The following LRP2 variants were observed in gnomAD, a reference collection of about 807,000 sequenced individuals.
LRP2 encodes the protein LDL receptor related protein 2, also known as low-density lipoprotein receptor-related protein 2.
A neutral mutation model predicts 531.0 loss-of-function variants in LRP2; 172 were observed. The ratio of observed to expected loss-of-function variants is 0.32; its 90% confidence interval spans 0.29 to 0.37. The LOEUF (loss-of-function observed/expected upper bound fraction) is 0.37, where lower values mean the gene tolerates loss of function less well. LRP2 is among the 10% of genes least tolerant of loss of function. The pLI is 1.00. For missense variants in LRP2, 5,167 were observed against 5,868.3 expected (o/e 0.88, Z 3.90); for synonymous variants, 1,992 against 2,027.6 (o/e 0.98, Z 0.47).
chr2:169,147,675 A>G (rs551881615), intron 68 of LRP2, among the ~76,000 whole-genome samples: 1 of 152,346 alleles, frequency 6.6e-6, no homozygotes, highest in African/African-American at 2.4e-5. Flanking sequence ...GCAAGGGTCT[A>G]TGTAAGCAAA....
chr2:169,216,126 G>T, intron 35 of LRP2, 127 bp downstream of exon 35: 1 of 960,262 alleles, frequency 1.0e-6, no homozygotes, highest in Non-Finnish European at 1.6e-6. Flanking sequence ...GGGAGAAGGG[G>T]CAATGAAACA....
In LRP2 at chr2:169,176,421, T is replaced by C. The variant is rs780386558; in HGVS notation, c.10561A>G (p.Asn3521Asp). 3.1e-6 allele frequency: 5 copies of C among 1,614,186 alleles called. No homozygotes were observed. Among genetic ancestry groups the C allele is most frequent in the Non-Finnish European group, 3.4e-6 (4 of 1,180,014 alleles). The change falls in exon 54 of 79, where the codon AAC becomes GAC. Residue 3521 changes from asparagine to aspartate, a missense_variant. Physicochemically the swap from Asn to Asp is conservative, Grantham distance 23. Coordinates refer to ENST00000649046, the MANE Select transcript of LRP2 (RefSeq NM_004525.3). The stretch of plus-strand genomic sequence containing the variant: ...GAAAGAGAGCCTTACTTTTCATTGT[T>C]AGCGCACAGGAACTGGGTGCTGGAG... ...MCSSTQFLCA[N>D]NEKCIPIWWK...
At chr2:169,158,077 C>T (rs1480652115) in intron 63 of LRP2, among the ~76,000 whole-genome samples, 3 of 150,912 alleles carry the variant, frequency 2.0e-5, no homozygotes, top group Admixed American at 1.3e-4. Flanking sequence ...CACACACACA[C>T]ACACACACAC....
chr2:169,204,233 C>T lies in LRP2; in HGVS notation c.7754G>A (p.Arg2585His), dbSNP rs770272485. ...IERSTLTGVD[R>H]EVIVNAAVHA... ...AACGGCTGCATTGACAATGACTTCA[C>T]GATCCACGCCCGTCAGAGTGCTGCG... The change falls in exon 42 of 79, where the codon CGT becomes CAT. Residue 2585 changes from arginine (R) to histidine (H), a missense_variant. Coordinates refer to ENST00000649046, the MANE Select transcript of LRP2 (RefSeq NM_004525.3). The T allele has an allele frequency of 5.6e-6, 9 of 1,613,810 alleles. No individual in the cohort carries two copies. The East Asian group carries it at 6.7e-5, about 12-fold the overall frequency.
intron 16 of LRP2, among the ~76,000 whole-genome samples, chr2:169,262,942 T>C (rs374018724): frequency 7.2e-5 from 11 of 151,874 alleles, no homozygotes; most frequent in South Asian, 2.1e-4. Context: ...AATAACGCCG[T>C]ATATCTACAA....
At chr2:169,175,496 C>T in intron 54 of LRP2, 107 bp from the exon 55 acceptor site, 1 of 991,588 alleles carries the variant, frequency 1.0e-6, no homozygotes, top group South Asian at 1.3e-5. Context: ...CATGAGCTCT[C>T]TCGTGGCCCT....
intron 4 of LRP2, among the ~76,000 whole-genome samples, chr2:169,303,183 T>G (rs907349187): frequency 2.2e-4 from 34 of 152,140 alleles, no homozygotes. Flanking sequence ...TTCTTTTGTA[T>G]ATGTTAAAAA....
intron 1 of LRP2, among the ~76,000 whole-genome samples, chr2:169,328,631 T>C (rs929229872): frequency 2.0e-5 from 3 of 152,138 alleles, no homozygotes; most frequent in African/African-American, 4.8e-5. Flanking sequence ...TGTTATACAA[T>C]ATATAAAGCT....
chr2:169,260,114 A>G (rs371814973), intron 16 of LRP2, among the ~76,000 whole-genome samples: 25 of 152,272 alleles, frequency 1.6e-4, no homozygotes, highest in African/African-American at 5.5e-4. Flanking sequence ...CCTATTCTAC[A>G]GATGAGAGAA....
intron 48 of LRP2, among the ~76,000 whole-genome samples, 163 bp downstream of exon 48, chr2:169,191,669 T>C (rs1307334742): frequency 6.6e-6 from 1 of 151,726 alleles, no homozygotes. Context: ...GATGTAAAAG[T>C]TTTTTTTCCC....
chr2:169,172,916 G>A (rs954895410), intron 57 of LRP2, among the ~76,000 whole-genome samples, 180 bp downstream of exon 57: 3 of 152,062 alleles, frequency 2.0e-5, no homozygotes, highest in Non-Finnish European at 2.9e-5. Context: ...AAATACCCCT[G>A]GTAACCCTGC....
chr2:169,186,861 G>C (rs1357829379), intron 49 of LRP2, among the ~76,000 whole-genome samples: 2 of 152,064 alleles, frequency 1.3e-5, no homozygotes, highest in African/African-American at 4.8e-5. Flanking sequence ...TTATAGTTGA[G>C]GTAAGGCAAA....
At chr2:169,276,960 T>C (rs831000) in intron 13 of LRP2, among the ~76,000 whole-genome samples, 121,575 of 151,940 alleles carry the variant, frequency 0.8, 48,781 homozygotes, top group East Asian at 0.93. Context: ...TTTGGGAGGC[T>C]GAGGCAGGCG....
chr2:169,175,169 G>C (rs1456040094), intron 55 of LRP2, 24 bp downstream of exon 55: 1 of 1,611,332 alleles, frequency 6.2e-7, no homozygotes, highest in South Asian at 1.1e-5. Flanking sequence ...GTCGGAAAAA[G>C]AGGCATAAAG....
At chr2:169,196,001 C>A (rs1457292572) in intron 46 of LRP2, among the ~76,000 whole-genome samples, 1 of 152,116 alleles carries the variant, frequency 6.6e-6, no homozygotes, top group African/African-American at 2.4e-5. Flanking sequence ...TAAAAGCAAC[C>A]TAATGCTTAA....
intron 52 of LRP2, among the ~76,000 whole-genome samples, chr2:169,179,786 G>A (rs1687358453): frequency 7.4e-6 from 1 of 134,506 alleles, no homozygotes; most frequent in Non-Finnish European, 1.7e-5. Flanking sequence ...ATCCCAAGAT[G>A]TACAAGGAAT....
intron 77 of LRP2, among the ~76,000 whole-genome samples, chr2:169,129,487 T>A (rs1054200602): frequency 1.3e-5 from 2 of 152,302 alleles, no homozygotes; most frequent in East Asian, 3.9e-4. Flanking sequence ...AAACTGTAAC[T>A]CTTATTCCCT....
Position 169,148,369 on chromosome 2 carries a change from G to T in LRP2, c.12591-1410C>A, listed in dbSNP as rs1312969321. Among the ~76,000 whole-genome samples the T allele has an allele frequency of 2.0e-5, 3 of 152,118 alleles. No individual in the cohort carries two copies. In the South Asian group the frequency reaches 6.2e-4, roughly 31 times the overall value. ...AGGGTGATGAAAATGCTTTAAAACC[G>T]ATTATGATGATGGATACACAACTCT... is the stretch of plus-strand genomic sequence containing the variant. On this transcript the variant is annotated intron_variant, in intron 68 of 78. Coordinates refer to ENST00000649046, the MANE Select transcript of LRP2 (RefSeq NM_004525.3).
In LRP2 at chr2:169,207,068, A is replaced by T. The variant is rs539808807; in HGVS notation, c.6652T>A (p.Ser2218Thr). ...DYGQRPKIER[S>T]FLDCTNRTVL... ...GTTCGATTGGTACAGTCAAGGAAAG[A>T]ACGCTCAATCTTTGGTCTCTGCCCA... The change falls in exon 39 of 79, where the codon TCT (serine) becomes ACT (threonine). Residue 2218 changes from serine (S) to threonine (T), a missense_variant. By Grantham distance (58) the Ser-to-Thr change is moderately conservative. Transcript: ENST00000649046. 2 of 1,613,890 alleles carry T rather than the reference A, an allele frequency of 1.2e-6. No homozygotes were observed. Among genetic ancestry groups the T allele is most frequent in the Non-Finnish European group, 1.7e-6 (2 of 1,179,798 alleles).
Sources: allele counts gnomAD v4.1 joint callset (sites outside exome capture counted in the v4.1 genomes callset), GRCh38; gene constraint gnomAD v4.1.1; transcripts MANE v1.5; gene names NCBI Gene and HGNC (gene_info 2026-07-23, HGNC 2026-07-21).